Variants in EIF5A2 observed in about 807,000 individuals in gnomAD.
EIF5A2 encodes eukaryotic translation initiation factor 5A2.
Under a neutral mutation model 16.4 loss-of-function variants are expected in EIF5A2, and 15 were observed. The ratio of observed to expected loss-of-function variants is 0.92; its 90% CI spans 0.61 to 1.41. The LOEUF is 1.41. Ranked by LOEUF, EIF5A2 falls within the 40% of genes most tolerant of loss-of-function variation. The pLI is 0.00. For synonymous variants in EIF5A2, 48 were observed against 61.1 expected, an observed-to-expected ratio of 0.79 and a Z score of 1.00; for missense variants, 144 against 189.5, an observed-to-expected ratio of 0.76 and a Z score of 1.41.
intron 4 of EIF5A2, among the ~76,000 whole-genome samples, chr3:170,893,956 G>A (rs1335550150): frequency 1.3e-5 from 2 of 151,980 alleles, no homozygotes; most frequent in Non-Finnish European, 2.9e-5. Flanking sequence ...GCTTGAACCT[G>A]GGACGCGGAG....
intron 4 of EIF5A2, 145 bp downstream of exon 4, chr3:170,894,147 T>A: frequency 1.1e-6 from 1 of 895,630 alleles, no homozygotes; most frequent in South Asian, 2.1e-5. Flanking sequence ...CTAAGGGTTT[T>A]ATGGAAAACC....
chr3:170,891,741 T>C lies in EIF5A2; in HGVS notation c.*1619A>G, dbSNP rs1184718770. The C allele has an allele frequency of 2.6e-5, 4 of 152,620 alleles. No individual in the cohort carries two copies. Among genetic ancestry groups the C allele is most frequent in the African/African-American group, 9.7e-5 (4 of 41,444 alleles). The allele number at this position is 152,620 out of a possible 1,614,324, so 9.5% of individuals were successfully genotyped here. On this transcript the variant is annotated 3_prime_UTR_variant, in exon 5 of 5. Coordinates refer to ENST00000295822, the MANE Select transcript of EIF5A2 (RefSeq NM_020390.6). ...TTTTGTTCTATGTTTTGCTCCAATA[T>C]GATGATTGTCACTGAGTCAAAGGTC...
At position 170,907,773 on chromosome 3, in the gene EIF5A2, C is replaced by T; in HGVS notation, c.34G>A (p.Ala12Thr). 1 of 1,580,220 alleles carries T rather than the reference C, an allele frequency of 6.3e-7. No homozygotes were observed. Among genetic ancestry groups the T allele is most frequent in the Non-Finnish European group, 8.7e-7 (1 of 1,154,268 alleles). Residue 12 changes from alanine to threonine, a missense_variant, in exon 2 of 5, where the codon GCC becomes ACC. Physicochemically the swap from Ala to Thr is moderately conservative, Grantham distance 58. Transcript: ENST00000295822. ...ADEIDFTTGD[A>T]GASSTYPMQC... ...ATAGGGTAAGTGCTGGAAGCCCCGG[C>T]ATCTCCAGTAGTGAAATCAATTTCG...
chr3:170,898,861 TA>T (rs1175058119), intron 3 of EIF5A2, among the ~76,000 whole-genome samples: 7 of 151,968 alleles, frequency 4.6e-5, no homozygotes, highest in Admixed American at 3.3e-4. Context: ...TATATATTCT[TA>T]TTATTTTTAC....
In EIF5A2 at chr3:170,889,425, A is replaced by G. The variant is rs1229136225; in HGVS notation, c.*3935T>C. Reference sequence around the variant, plus strand: ...TCAGAGAAAAAATTTAATAGATTAAATAGATTGAATTGTCTCAATTTTTAA... The same window carrying G: ...TCAGAGAAAAAATTTAATAGATTAAGTAGATTGAATTGTCTCAATTTTTAA... On this transcript the variant is annotated 3_prime_UTR_variant, in exon 5 of 5. Coordinates refer to ENST00000295822, the MANE Select transcript of EIF5A2 (RefSeq NM_020390.6). 1 of 152,356 alleles carries G rather than the reference A, an allele frequency of 6.6e-6. No homozygotes were observed. Among genetic ancestry groups the G allele is most frequent in the Non-Finnish European group, 1.5e-5 (1 of 67,950 alleles). The allele number at this position is 152,356 out of a possible 1,614,324, so 9.4% of individuals were successfully genotyped here.
chr3:170,899,289 G>A (rs1368604965), intron 3 of EIF5A2, among the ~76,000 whole-genome samples: 2 of 152,212 alleles, frequency 1.3e-5, no homozygotes, highest in African/African-American at 4.8e-5. Context: ...GAGTGTGGTG[G>A]CATGATCATG....
intron 3 of EIF5A2, among the ~76,000 whole-genome samples, chr3:170,896,085 G>C (rs61792990): frequency 0.23 from 35,496 of 152,034 alleles, 4,182 homozygotes; most frequent in Middle Eastern, 0.28. Context: ...TTAAATGTTC[G>C]TACTGTGCCA....
At chr3:170,900,900 C>T (rs891674183) in intron 3 of EIF5A2, among the ~76,000 whole-genome samples, 11 of 152,154 alleles carry the variant, frequency 7.2e-5, no homozygotes, top group African/African-American at 2.7e-4. Context: ...ATTTTTTCTC[C>T]TCCAATTAAT....
chr3:170,894,088 T>C (rs1038629741), intron 4 of EIF5A2, among the ~76,000 whole-genome samples: 2 of 151,858 alleles, frequency 1.3e-5, no homozygotes, highest in South Asian at 2.1e-4. Flanking sequence ...TTGAGAGTAA[T>C]GCTGATGTAG....
At position 170,888,882 on chromosome 3, in the gene EIF5A2, A is replaced by G. The variant is rs964747947; in HGVS notation, c.*4478T>C. 6.6e-6 allele frequency: 1 copy of G among 152,404 alleles called. No individual in the cohort carries two copies. Among genetic ancestry groups the G allele is most frequent in the Non-Finnish European group, 1.5e-5 (1 of 67,970 alleles). The allele number at this position is 152,404 out of a possible 1,614,324, so 9.4% of individuals were successfully genotyped here. The stretch of plus-strand genomic sequence containing the variant: ...TTATAGTAGATATTAACCACAATAA[A>G]TAACTCCTCAAAAAAGATCACAACT... On this transcript the variant is annotated 3_prime_UTR_variant, in exon 5 of 5. Coordinates refer to ENST00000295822, the MANE Select transcript of EIF5A2 (RefSeq NM_020390.6).
Position 170,907,056 on chromosome 3 carries a change from T to C in EIF5A2, c.203A>G (p.Lys68Arg). ...LVGIDIFTGK[K>R]YEDICPSTHN... ...AGTAGAAGGACAAATATCTTCATAT[T>C]TTTTGCCCGTGAAAATATCAATTCC... Residue 68 changes from lysine to arginine, a missense_variant, in exon 3 of 5, where the codon AAA (lysine) becomes AGA (arginine). By Grantham distance (26) the Lys-to-Arg change is conservative. Coordinates refer to ENST00000295822, the MANE Select transcript of EIF5A2 (RefSeq NM_020390.6). 6.2e-7 allele frequency: 1 copy of C among 1,613,118 alleles called. No individual in the cohort carries two copies. Among genetic ancestry groups the C allele is most frequent in the Non-Finnish European group, 8.5e-7 (1 of 1,179,564 alleles).
intron 3 of EIF5A2, among the ~76,000 whole-genome samples, chr3:170,899,000 A>G (rs1712740082): frequency 6.6e-6 from 1 of 152,202 alleles, no homozygotes; most frequent in Non-Finnish European, 1.5e-5. Context: ...ATACTCTTAG[A>G]TAACAACAAT....
At position 170,890,822 on chromosome 3, in the gene EIF5A2, A is replaced by C. The variant is rs562276705; in HGVS notation, c.*2538T>G. ...TCTGATGTCTAAAAAGAATGAAGTCACTTCTGTTCTATGTTAAAAAATACA... is the reference window on the plus strand; with the variant it reads ...TCTGATGTCTAAAAAGAATGAAGTCCCTTCTGTTCTATGTTAAAAAATACA... On this transcript the variant is annotated 3_prime_UTR_variant, in exon 5 of 5. Coordinates refer to ENST00000295822, the MANE Select transcript of EIF5A2 (RefSeq NM_020390.6). The C allele has an allele frequency of 2.0e-5, 3 of 152,724 alleles. No individual in the cohort carries two copies. The highest frequency in any genetic ancestry group is 1.3e-4 in the Admixed American group (2 of 15,308). 9.5% of individuals were successfully genotyped at this position (152,724 alleles called of 1,614,324 possible). A position where few individuals can be genotyped will look rare whatever the true frequency, so the allele number is the denominator to read the frequency against.
At chr3:170,908,366 C>T (rs990407429) in intron 1 of EIF5A2, among the ~76,000 whole-genome samples, 177 bp downstream of exon 1, 28 of 152,216 alleles carry the variant, frequency 1.8e-4, no homozygotes, top group African/African-American at 6.5e-4. Flanking sequence ...CAGCTCGGCC[C>T]GGCCCGGCCC....
Position 170,891,857 on chromosome 3 carries a change from A to C in EIF5A2, c.*1503T>G, listed in dbSNP as rs1327487592. 1.3e-5 allele frequency: 2 copies of C among 152,652 alleles called. No homozygotes were observed. The highest frequency in any genetic ancestry group is 4.8e-5 in the African/African-American group (2 of 41,464). 9.5% of individuals were successfully genotyped at this position (152,652 alleles called of 1,614,324 possible). ...TAGAAATGCAGTGGTGTCACCTAAA[A>C]TACCTTTTAAAATAATTCAGTTTAT... On this transcript the variant is annotated 3_prime_UTR_variant, in exon 5 of 5. Coordinates refer to ENST00000295822, the MANE Select transcript of EIF5A2 (RefSeq NM_020390.6).
At chr3:170,903,540 A>C (rs1712862367) in intron 3 of EIF5A2, among the ~76,000 whole-genome samples, 1 of 152,152 alleles carries the variant, frequency 6.6e-6, no homozygotes, top group Non-Finnish European at 1.5e-5. Context: ...ATTACCCTTA[A>C]TGATCCTGTA....
chr3:170,896,251 A>G (rs1712667151), intron 3 of EIF5A2, among the ~76,000 whole-genome samples: 1 of 152,246 alleles, frequency 6.6e-6, no homozygotes, highest in Non-Finnish European at 1.5e-5. Context: ...AACATCTAGT[A>G]AAACAATGCA....
chr3:170,902,398 CTTT>C (rs36044967), intron 3 of EIF5A2, among the ~76,000 whole-genome samples: 79 of 91,372 alleles, frequency 8.6e-4, no homozygotes, highest in African/African-American at 2.9e-3. Context: ...GCCATTCAGC[CTTT>C]TTTTTTTTTT....
intron 3 of EIF5A2, among the ~76,000 whole-genome samples, chr3:170,895,917 C>T (rs1476879625): frequency 6.6e-6 from 1 of 152,176 alleles, no homozygotes; most frequent in Non-Finnish European, 1.5e-5. Context: ...GTCAAGTGAG[C>T]CTCTGCTTTA....
Sources: gnomAD v4.1 joint callset for allele counts (sites outside exome capture counted in the v4.1 genomes callset) on GRCh38, gnomAD v4.1.1 for gene constraint, MANE v1.5 for transcripts, NCBI Gene and HGNC (gene_info 2026-07-23, HGNC 2026-07-21) for gene names.